Variants in CDK6 observed in about 807,000 individuals in gnomAD.
CDK6 encodes the protein cyclin dependent kinase 6.
In CDK6, 6 loss-of-function variants were observed where a neutral mutation model predicts 37.1. That is an observed-to-expected ratio of 0.16 (90% CI 0.09 to 0.32). The LOEUF is 0.32. CDK6 is among the 10% of genes least tolerant of loss of function. CDK6 has a pLI of 1.00. For synonymous variants in CDK6, 160 were observed against 161.3 expected (o/e 0.99, Z 0.06); for missense variants, 224 against 418.9 (o/e 0.53, Z 4.06).
intron 3 of CDK6, among the ~76,000 whole-genome samples, chr7:92,772,444 T>C (rs1258192423): frequency 6.6e-6 from 1 of 151,604 alleles, no homozygotes; most frequent in African/African-American, 2.4e-5. Context: ...CTGATCCTAA[T>C]GGCTGAAGAA....
intron 5 of CDK6, among the ~76,000 whole-genome samples, chr7:92,625,219 A>AACACAC (rs71699291): frequency 0.02 from 2,817 of 141,934 alleles, 77 homozygotes; most frequent in African/African-American, 0.063. Context: ...GTGGTAACTA[A>AACACAC]ACACACACAC....
intron 4 of CDK6, chr7:92,701,736 G>C (rs535606956): frequency 6.6e-6 from 1 of 152,376 alleles, no homozygotes; most frequent in Non-Finnish European, 1.5e-5. Flanking sequence ...ACGAATTTGC[G>C]TGTCATCCTT....
At chr7:92,621,698 T>C (rs879439999) in intron 6 of CDK6, among the ~76,000 whole-genome samples, 48 of 152,306 alleles carry the variant, frequency 3.2e-4, no homozygotes, top group Admixed American at 1.2e-3. Context: ...ATTAAATAAC[T>C]TGCCATTCAG....
rs182087090 is a variant in CDK6, at chr7:92,631,010, A to G, written c.648-7924T>C. On this transcript the variant is annotated intron_variant, in intron 5 of 7. Transcript: ENST00000424848. The stretch of plus-strand genomic sequence containing the variant: ...AACTCTGAACTAGAGATATCACTCG[A>G]CCAAATTAGAACCTCACCATACCAC... 7.2e-5 allele frequency among the ~76,000 whole-genome samples: 11 copies of G among 152,276 alleles called. No homozygotes were observed. The East Asian group carries it at 1.9e-3, about 27-fold the overall frequency.
chr7:92,783,648 A>G (rs917767387), intron 2 of CDK6, among the ~76,000 whole-genome samples: 1 of 152,204 alleles, frequency 6.6e-6, no homozygotes, highest in Non-Finnish European at 1.5e-5. Flanking sequence ...CTGTTAACCA[A>G]AAAATGTTTT....
intron 2 of CDK6, among the ~76,000 whole-genome samples, chr7:92,798,734 T>C (rs967494822): frequency 6.6e-6 from 1 of 152,164 alleles, no homozygotes; most frequent in Non-Finnish European, 1.5e-5. Flanking sequence ...TGCTTCCTCC[T>C]CTTCAACATC....
At chr7:92,700,777 G>T (rs917893067) in intron 4 of CDK6, among the ~76,000 whole-genome samples, 2 of 152,204 alleles carry the variant, frequency 1.3e-5, no homozygotes, top group African/African-American at 4.8e-5. Flanking sequence ...AGGAGTGAGA[G>T]ACGTGGAAGG....
intron 3 of CDK6, among the ~76,000 whole-genome samples, chr7:92,735,619 T>C (rs1329212794): frequency 6.6e-6 from 1 of 152,230 alleles, no homozygotes; most frequent in East Asian, 1.9e-4. Flanking sequence ...GCAAATTCCT[T>C]GAGGAACAGG....
chr7:92,687,214 T>C (rs1385464822), intron 4 of CDK6, among the ~76,000 whole-genome samples: 1 of 152,190 alleles, frequency 6.6e-6, no homozygotes, highest in African/African-American at 2.4e-5. Context: ...ACACCTCTCT[T>C]ACAGCCCTTG....
intron 2 of CDK6, among the ~76,000 whole-genome samples, chr7:92,788,443 A>C (rs2115844305): frequency 6.6e-6 from 1 of 152,314 alleles, no homozygotes; most frequent in East Asian, 1.9e-4. Context: ...TTAATTCCCT[A>C]AACTATTTTT....
Position 92,754,461 on chromosome 7 carries a change from C to T in CDK6, c.369+20235G>A, listed in dbSNP as rs145068665. Among the ~76,000 whole-genome samples the T allele has an allele frequency of 9.7e-4, 147 of 152,140 alleles. 1 individual carries two copies. The highest frequency in any genetic ancestry group is 6.2e-3 in the South Asian group (30 of 4,826). ...AACATGGTAAGAAACCATTCTTTTC[C>T]CCCATTCTTTCTGTAAACAGTTTTA... On this transcript the variant is annotated intron_variant, in intron 3 of 7. Coordinates refer to ENST00000424848, the MANE Select transcript of CDK6 (RefSeq NM_001145306.2).
chr7:92,658,033 T>C (rs760116715), intron 5 of CDK6, among the ~76,000 whole-genome samples: 3 of 152,234 alleles, frequency 2.0e-5, no homozygotes, highest in African/African-American at 4.8e-5. Context: ...CCACTTGATA[T>C]TGTTTTAATG....
At position 92,833,366 on chromosome 7, in the gene CDK6, G is replaced by C. The variant is rs1300347870; in HGVS notation, c.-43C>G. 4 of 1,436,696 alleles carry C rather than the reference G, an allele frequency of 2.8e-6. No individual in the cohort carries two copies. The highest frequency in any genetic ancestry group is 2.2e-5 in the Admixed American group (1 of 45,536). 89.0% of individuals were successfully genotyped at this position (1,436,696 alleles called of 1,614,324 possible). ...CGCCGCGGCGCCGCTGGGGCGGGCG[G>C]GGGGTGCGCTCAACTAGCTGGCGGC... On this transcript the variant is annotated 5_prime_UTR_variant, in exon 2 of 8. Transcript: ENST00000424848. The surrounding 1 kb of genome is among the most constrained non-coding windows in gnomAD (Gnocchi z 6.1).
Position 92,691,830 on chromosome 7 carries a change from A to T in CDK6, c.538-20295T>A, listed in dbSNP as rs1240459186. ...TTTGAGTACTGAGACACAGATGTCAAATACAGGGAAGTACTTTAACTGTAC... is the reference window on the plus strand; with the variant it reads ...TTTGAGTACTGAGACACAGATGTCATATACAGGGAAGTACTTTAACTGTAC... On this transcript the variant is annotated intron_variant, in intron 4 of 7. Transcript: ENST00000424848. Among the ~76,000 whole-genome samples the T allele has an allele frequency of 5.3e-5, 8 of 152,368 alleles. No individual in the cohort carries two copies. The South Asian group carries it at 1.4e-3, about 28-fold the overall frequency.
At chr7:92,823,443 TAAAAAAAAAAAAA>T (rs34132527) in intron 2 of CDK6, among the ~76,000 whole-genome samples, 16,256 of 75,530 alleles carry the variant, frequency 0.22, 1,151 homozygotes, top group South Asian at 0.4. Flanking sequence ...TCTTAATATG[TAAAAAAAAAAAAA>T]AAAAAAAAAA....
chr7:92,780,477 T>C (rs755729394), intron 2 of CDK6, among the ~76,000 whole-genome samples: 5 of 151,470 alleles, frequency 3.3e-5, no homozygotes, highest in Non-Finnish European at 5.9e-5. Flanking sequence ...AACTGGAAAA[T>C]AGGCTGGGCG....
chr7:92,676,440 G>A (rs1053022424), intron 4 of CDK6, among the ~76,000 whole-genome samples: 5 of 151,990 alleles, frequency 3.3e-5, no homozygotes, highest in Admixed American at 1.3e-4. Context: ...GGAGTGTAAT[G>A]GAAGTACTGT....
intron 2 of CDK6, among the ~76,000 whole-genome samples, chr7:92,822,187 TATG>T (rs1215738242): frequency 6.6e-6 from 1 of 152,106 alleles, no homozygotes; most frequent in Non-Finnish European, 1.5e-5. Flanking sequence ...CAAAAACTGA[TATG>T]ATGATTTAAA....
intron 3 of CDK6, among the ~76,000 whole-genome samples, chr7:92,756,691 T>G (rs981620821): frequency 6.6e-6 from 1 of 152,226 alleles, no homozygotes; most frequent in Non-Finnish European, 1.5e-5. Flanking sequence ...ACTCTTCCAA[T>G]GCAACATTAG....
Sources: gnomAD v4.1 joint callset for allele counts (sites outside exome capture counted in the v4.1 genomes callset) on GRCh38, gnomAD v4.1.1 for gene constraint, Gnocchi (gnomAD v3.1) non-coding constraint, MANE v1.5 for transcripts, NCBI Gene and HGNC (gene_info 2026-07-23, HGNC 2026-07-21) for gene names.